Variants in STX12 observed in about 807,000 individuals in gnomAD.
STX12 encodes syntaxin 12.
In STX12, 17 loss-of-function variants were observed where a neutral mutation model predicts 42.2. The observed-to-expected ratio is 0.40, with a 90% CI of 0.28 to 0.60. STX12 has a LOEUF of 0.60. Among genes scored for constraint, STX12 ranks in the 20% least tolerant of loss-of-function variants. The pLI is 0.39. For missense variants in STX12, 297 were observed against 330.9 expected (o/e 0.90, Z 0.79); for synonymous variants, 108 against 116.7 (o/e 0.93, Z 0.48).
At position 27,793,600 on chromosome 1, in the gene STX12, T is replaced by C; in HGVS notation, c.256T>C (p.Ser86Pro). The C allele has an allele frequency of 6.2e-7, 1 of 1,614,090 alleles. No homozygotes were observed. Among genetic ancestry groups the C allele is most frequent in the African/African-American group, 1.3e-5 (1 of 75,030 alleles). Reference sequence around the variant, plus strand: ...AAATGAATTGCTGAAAGAATTAGGGTCCTTGCCCCTTCCCTTATCTACTTC... The same window carrying C: ...AAATGAATTGCTGAAAGAATTAGGGCCCTTGCCCCTTCCCTTATCTACTTC... ...ETNELLKELGSLPLPLSTSEQ... is the reference protein window; with the variant it reads ...ETNELLKELGPLPLPLSTSEQ... Residue 86 changes from serine (S) to proline (P), a missense_variant, in exon 3 of 9, where the codon TCC becomes CCC. Ser to Pro is a moderately conservative substitution (Grantham distance 74, BLOSUM62 -1). Transcript: ENST00000373943.
chr1:27,783,345 G>GT (rs1486748364), intron 1 of STX12, among the ~76,000 whole-genome samples: 1 of 151,820 alleles, frequency 6.6e-6, no homozygotes, highest in Non-Finnish European at 1.5e-5. Flanking sequence ...TTTTGTTTTT[G>GT]TTTTTTTGAG....
chr1:27,773,507 T>C (rs887566173), intron 1 of STX12, 82 bp downstream of exon 1: 1 of 1,335,514 alleles, frequency 7.5e-7, no homozygotes, highest in East Asian at 2.3e-5. Context: ...AGGGCCCGGC[T>C]GGGGCTACGG....
chr1:27,815,357 G>C (rs936662667), intron 6 of STX12, among the ~76,000 whole-genome samples: 1 of 152,086 alleles, frequency 6.6e-6, no homozygotes, highest in African/African-American at 2.4e-5. Context: ...TTCAATTTTC[G>C]TATCTAGTAA....
intron 2 of STX12, among the ~76,000 whole-genome samples, chr1:27,791,073 C>T (rs564485426): frequency 1.4e-4 from 22 of 152,232 alleles, no homozygotes; most frequent in African/African-American, 5.3e-4. Context: ...CCAGCCTGAC[C>T]AACATGGTGA....
At chr1:27,809,300 A>T (rs61787136) in intron 4 of STX12, among the ~76,000 whole-genome samples, 1 of 22 alleles carries the variant, frequency 0.045, no homozygotes, top group Non-Finnish European at 0.12. Flanking sequence ...GTGCCACTCG[A>T]TCCAGCCTCG....
intron 1 of STX12, among the ~76,000 whole-genome samples, chr1:27,786,491 C>A (rs1161467269): frequency 2.0e-5 from 3 of 152,076 alleles, no homozygotes; most frequent in Non-Finnish European, 4.4e-5. Context: ...TAACTAGTAT[C>A]CTCTGCCCAC....
chr1:27,812,811 C>G (rs139395496), intron 6 of STX12, among the ~76,000 whole-genome samples: 39 of 152,300 alleles, frequency 2.6e-4, no homozygotes, highest in Non-Finnish European at 4.4e-4. Flanking sequence ...ATCACCACAT[C>G]TTATACGGAT....
chr1:27,773,278 T>G lies in STX12; in HGVS notation c.-30T>G, dbSNP rs2088607295. The G allele has an allele frequency of 6.8e-7, 1 of 1,463,626 alleles. No individual in the cohort carries two copies. Among genetic ancestry groups the G allele is most frequent in the Non-Finnish European group, 9.5e-7 (1 of 1,056,688 alleles). 90.7% of individuals were successfully genotyped at this position (1,463,626 alleles called of 1,614,324 possible). A position where few individuals can be genotyped will look rare whatever the true frequency, so the allele number is the denominator to read the frequency against. ...GCGGCTGCTTCCGGTAGGAGAGCGGTGTAGAGCGAGCAGGTCTCAGCTCCT... is the reference window on the plus strand; with the variant it reads ...GCGGCTGCTTCCGGTAGGAGAGCGGGGTAGAGCGAGCAGGTCTCAGCTCCT... On this transcript the variant is annotated 5_prime_UTR_variant, in exon 1 of 9. Transcript: ENST00000373943.
chr1:27,781,396 ATAGT>A (rs1440965431), intron 1 of STX12, among the ~76,000 whole-genome samples: 11 of 152,260 alleles, frequency 7.2e-5, no homozygotes, highest in African/African-American at 2.2e-4. Context: ...CAATAGTTTA[ATAGT>A]TAGGTAGGCA....
intron 7 of STX12, 198 bp downstream of exon 7, chr1:27,818,121 G>C: frequency 2.0e-6 from 1 of 510,506 alleles, no homozygotes. Context: ...GGTGGCTCAG[G>C]CCTGTAATCC....
intron 3 of STX12, among the ~76,000 whole-genome samples, chr1:27,796,480 C>T (rs999072486): frequency 1.3e-5 from 2 of 152,164 alleles, no homozygotes; most frequent in Admixed American, 1.3e-4. Context: ...TAGCCTCAAC[C>T]TCCCAGGCTC....
At chr1:27,797,253 T>C (rs2088792747) in intron 3 of STX12, among the ~76,000 whole-genome samples, 1 of 152,160 alleles carries the variant, frequency 6.6e-6, no homozygotes, top group African/African-American at 2.4e-5. Flanking sequence ...GACAGGGTTT[T>C]GCCACGTTGG....
chr1:27,809,257 C>G (rs1458373390), intron 4 of STX12, among the ~76,000 whole-genome samples: 1 of 151,418 alleles, frequency 6.6e-6, no homozygotes, highest in Non-Finnish European at 1.5e-5. Context: ...TCGCTTGAAC[C>G]TGGGAGGCAG....
At chr1:27,781,576 C>A (rs564844483) in intron 1 of STX12, among the ~76,000 whole-genome samples, 1 of 152,106 alleles carries the variant, frequency 6.6e-6, no homozygotes, top group South Asian at 2.1e-4. Context: ...ATCTACAGTC[C>A]CTGCTACATA....
chr1:27,794,013 ATT>A (rs2088767747), intron 3 of STX12, among the ~76,000 whole-genome samples: 1 of 128,898 alleles, frequency 7.8e-6, no homozygotes, highest in African/African-American at 3.2e-5. Flanking sequence ...TTTTTTAATT[ATT>A]ATTATTTTTA....
Position 27,775,582 on chromosome 1 carries a change from A to T in STX12, c.118+2157A>T, listed in dbSNP as rs557693054. Among the ~76,000 whole-genome samples, 43 of 152,288 alleles carry T rather than the reference A, an allele frequency of 2.8e-4. No homozygotes were observed. In the South Asian group the frequency reaches 8.9e-3, roughly 32 times the overall value. The stretch of plus-strand genomic sequence containing the variant: ...TCATCATGCCTGGCCTTCAACATAT[A>T]TTTATTTGAGTATGTAGTAAGTATA... On this transcript the variant is annotated intron_variant, in intron 1 of 8. Coordinates refer to ENST00000373943, the MANE Select transcript of STX12 (RefSeq NM_177424.3).
At chr1:27,775,090 GTT>G (rs1464938952) in intron 1 of STX12, among the ~76,000 whole-genome samples, 2 of 152,128 alleles carry the variant, frequency 1.3e-5, no homozygotes, top group Non-Finnish European at 2.9e-5. Context: ...TGTAATACAG[GTT>G]AGATCAGAAA....
rs573643836 is a variant in STX12, at chr1:27,816,473, CA to C, written c.577-1370del. Among the ~76,000 whole-genome samples the C allele has an allele frequency of 4.7e-5, 7 of 148,458 alleles. No homozygotes were observed. In the East Asian group the frequency reaches 1.4e-3, roughly 30 times the overall value. ...TGGATGACAGAGCAAGACTCTGTCTCAAAAAAAACAAGTAATAAATAAAAAT... is the reference window on the plus strand; with the variant it reads ...TGGATGACAGAGCAAGACTCTGTCTCAAAAAAACAAGTAATAAATAAAAAT... On this transcript the variant is annotated intron_variant, in intron 6 of 8. Transcript: ENST00000373943.
chr1:27,805,198 A>G (rs900619126), intron 4 of STX12, among the ~76,000 whole-genome samples: 3 of 152,192 alleles, frequency 2.0e-5, no homozygotes, highest in African/African-American at 7.2e-5. Context: ...ACCCCAAAGA[A>G]GTTTTGTTTA....
Sources: allele counts gnomAD v4.1 joint callset (sites outside exome capture counted in the v4.1 genomes callset), GRCh38; gene constraint gnomAD v4.1.1; transcripts MANE v1.5; gene names NCBI Gene and HGNC (gene_info 2026-07-23, HGNC 2026-07-21).